The following CCSER1 variants were observed in gnomAD, a reference collection of about 807,000 sequenced individuals.
CCSER1 encodes serine-rich coiled-coil domain-containing protein 1.
Under a neutral mutation model 82.0 loss-of-function variants are expected in CCSER1, and 41 were observed. The observed-to-expected ratio is 0.50, with a 90% CI of 0.39 to 0.65. The LOEUF (loss-of-function observed/expected upper bound fraction) is 0.65. CCSER1 is among the 30% of genes least tolerant of loss of function. CCSER1 has a pLI of 0.00. For synonymous variants in CCSER1, 414 were observed against 383.9 expected (o/e 1.08, Z -0.92); for missense variants, 1,119 against 1,064.2 (o/e 1.05, Z -0.72).
intron 9 of CCSER1, among the ~76,000 whole-genome samples, chr4:91,054,644 T>A (rs1743286575): frequency 6.6e-6 from 1 of 151,918 alleles, no homozygotes. Flanking sequence ...GGATGGCATG[T>A]GTAGGTTGGA....
chr4:91,378,424 A>G (rs960220973), intron 10 of CCSER1, among the ~76,000 whole-genome samples: 2 of 151,960 alleles, frequency 1.3e-5, no homozygotes, highest in Non-Finnish European at 2.9e-5. Context: ...CTTTTATTTC[A>G]TTGAGCAGTG....
intron 5 of CCSER1, among the ~76,000 whole-genome samples, chr4:90,554,560 G>A (rs1319944379): frequency 1.3e-5 from 2 of 152,100 alleles, no homozygotes; most frequent in Admixed American, 6.6e-5. Flanking sequence ...CAGGTTTTGT[G>A]CATGAAGGAC....
chr4:90,300,415 A>G (rs1732875343), intron 1 of CCSER1, among the ~76,000 whole-genome samples: 2 of 152,142 alleles, frequency 1.3e-5, no homozygotes, highest in African/African-American at 4.8e-5. Flanking sequence ...TTTGTGATGT[A>G]GTATCTTCTC....
chr4:91,429,659 A>G (rs1754180521), intron 10 of CCSER1, among the ~76,000 whole-genome samples: 1 of 151,944 alleles, frequency 6.6e-6, no homozygotes, highest in African/African-American at 2.4e-5. Flanking sequence ...ATAAGGCCAC[A>G]AACTTTACTG....
chr4:91,176,864 G>C (rs1054671407), intron 10 of CCSER1, among the ~76,000 whole-genome samples: 1 of 152,186 alleles, frequency 6.6e-6, no homozygotes, highest in Non-Finnish European at 1.5e-5. Flanking sequence ...ATGTTGAATA[G>C]AAGTGGTGAG....
At chr4:90,727,801 T>A (rs1743937075) in intron 7 of CCSER1, among the ~76,000 whole-genome samples, 1 of 152,148 alleles carries the variant, frequency 6.6e-6, no homozygotes, top group East Asian at 1.9e-4. Context: ...GTTTTAAAAT[T>A]TATTTGTACT....
chr4:91,579,573 G>A (rs1189861826), intron 10 of CCSER1, among the ~76,000 whole-genome samples: 2 of 151,822 alleles, frequency 1.3e-5, no homozygotes, highest in Admixed American at 6.6e-5. Context: ...AATTGACAAA[G>A]TGGCTGATGG....
chr4:91,573,874 A>G (rs1223822743), intron 10 of CCSER1, among the ~76,000 whole-genome samples: 1 of 152,160 alleles, frequency 6.6e-6, no homozygotes, highest in Non-Finnish European at 1.5e-5. Context: ...ACAATGAACT[A>G]TTCAAAAAAG....
At chr4:90,779,315 GCTT>G (rs925216879) in intron 7 of CCSER1, among the ~76,000 whole-genome samples, 1 of 151,518 alleles carries the variant, frequency 6.6e-6, no homozygotes, top group African/African-American at 2.4e-5. Context: ...TCTTACTCAT[GCTT>G]CTTATTTCAA....
intron 6 of CCSER1, among the ~76,000 whole-genome samples, chr4:90,658,045 A>G (rs904135387): frequency 3.3e-5 from 5 of 152,182 alleles, no homozygotes; most frequent in Admixed American, 3.3e-4. Flanking sequence ...CGGAGGTTGC[A>G]ATGAGCTGAG....
chr4:91,441,321 CA>C (rs1755121415), intron 10 of CCSER1, among the ~76,000 whole-genome samples: 2 of 152,254 alleles, frequency 1.3e-5, no homozygotes, highest in South Asian at 4.1e-4. Context: ...TCAATATACA[CA>C]AAACAATAAA....
intron 4 of CCSER1, among the ~76,000 whole-genome samples, chr4:90,413,254 G>T (rs1755173975): frequency 6.6e-6 from 1 of 152,020 alleles, no homozygotes; most frequent in Non-Finnish European, 1.5e-5. Flanking sequence ...GGACATGAAA[G>T]ACCTCTACAA....
intron 10 of CCSER1, among the ~76,000 whole-genome samples, chr4:91,482,971 C>T (rs1758023999): frequency 6.6e-6 from 1 of 152,002 alleles, no homozygotes; most frequent in African/African-American, 2.4e-5. Flanking sequence ...GGAGGGATAG[C>T]ATTAGGAGAT....
intron 5 of CCSER1, among the ~76,000 whole-genome samples, chr4:90,533,485 GA>G (rs1381206261): frequency 6.6e-6 from 1 of 152,168 alleles, no homozygotes; most frequent in African/African-American, 2.4e-5. Flanking sequence ...TCAGAAGCCT[GA>G]ATGCCTTCTG....
intron 3 of CCSER1, among the ~76,000 whole-genome samples, chr4:90,392,637 A>G (rs1751378609): frequency 6.6e-6 from 1 of 152,070 alleles, no homozygotes; most frequent in African/African-American, 2.4e-5. Flanking sequence ...TAAGCTCTCT[A>G]TTCATATTTG....
intron 10 of CCSER1, among the ~76,000 whole-genome samples, chr4:91,218,539 G>A (rs926454859): frequency 3.9e-5 from 6 of 152,198 alleles, no homozygotes; most frequent in Non-Finnish European, 4.4e-5. Flanking sequence ...CTCTCAGTAT[G>A]ACTAAAAGTT....
chr4:90,854,859 A>G (rs1413678385), intron 8 of CCSER1, among the ~76,000 whole-genome samples: 2 of 152,196 alleles, frequency 1.3e-5, no homozygotes, highest in African/African-American at 4.8e-5. Context: ...TTATAAAGAA[A>G]AGAGGTTTAA....
At chr4:91,000,587 C>G (rs1013706444) in intron 9 of CCSER1, among the ~76,000 whole-genome samples, 12 of 152,018 alleles carry the variant, frequency 7.9e-5, no homozygotes, top group African/African-American at 2.9e-4. Flanking sequence ...CCTGTGTCAT[C>G]TATGATTTTT....
At chr4:90,705,568 G>C (rs1170297462) in intron 6 of CCSER1, among the ~76,000 whole-genome samples, 1 of 152,204 alleles carries the variant, frequency 6.6e-6, no homozygotes, top group South Asian at 2.1e-4. Context: ...CCGGCCCCCA[G>C]AGGTGGAGTC....
Sources: allele counts gnomAD v4.1 joint callset (sites outside exome capture counted in the v4.1 genomes callset), GRCh38; gene constraint gnomAD v4.1.1; transcripts MANE v1.5; gene names NCBI Gene and HGNC (gene_info 2026-07-23, HGNC 2026-07-21).